Variants in REEP3 observed in about 807,000 individuals in gnomAD.
REEP3 encodes receptor accessory protein 3, also known as receptor expression-enhancing protein 3.
Under a neutral mutation model 41.3 loss-of-function variants are expected in REEP3, and 20 were observed. That is an observed-to-expected ratio of 0.48 (90% CI 0.34 to 0.70). The LOEUF is 0.70. Among genes scored for constraint, REEP3 ranks in the 30% least tolerant of loss-of-function variants. The pLI is 0.01. For missense variants in REEP3, 271 were observed against 308.8 expected (o/e 0.88, Z 0.92); for synonymous variants, 104 against 101.8 (o/e 1.02, Z -0.13).
intron 1 of REEP3, among the ~76,000 whole-genome samples, chr10:63,550,452 C>G (rs1310818109): frequency 1.1e-4 from 16 of 152,062 alleles, no homozygotes; most frequent in Non-Finnish European, 1.5e-5. Context: ...TGTGGATGAA[C>G]ACACAGCAGA....
At chr10:63,615,086 A>G (rs987100162) in intron 6 of REEP3, among the ~76,000 whole-genome samples, 2 of 152,212 alleles carry the variant, frequency 1.3e-5, no homozygotes, top group Non-Finnish European at 2.9e-5. Flanking sequence ...GTAGGGAAAA[A>G]AAATAATAAG....
At chr10:63,525,502 TCCGCCTC>T (rs1955354023) in intron 1 of REEP3, among the ~76,000 whole-genome samples, 1 of 152,180 alleles carries the variant, frequency 6.6e-6, no homozygotes. Context: ...TACTGCAATT[TCCGCCTC>T]CCGGGTTCAA....
chr10:63,562,992 T>G (rs1326306964), intron 1 of REEP3: 2 of 456,422 alleles, frequency 4.4e-6, no homozygotes, highest in African/African-American at 4.0e-5. Context: ...TATGATTGGC[T>G]TCCTTCTAAG....
chr10:63,541,930 C>A (rs1344391444), intron 1 of REEP3, among the ~76,000 whole-genome samples: 1 of 152,134 alleles, frequency 6.6e-6, no homozygotes, highest in East Asian at 1.9e-4. Flanking sequence ...CATTTTTATG[C>A]ATAAGGTAAA....
intron 4 of REEP3, among the ~76,000 whole-genome samples, chr10:63,598,709 G>A (rs560084975): frequency 4.6e-5 from 7 of 151,318 alleles, no homozygotes; most frequent in East Asian, 2.0e-4. Context: ...GCGCGAACCC[G>A]GGAGGTGGAG....
intron 2 of REEP3, among the ~76,000 whole-genome samples, chr10:63,583,242 C>T (rs866903567): frequency 5.9e-5 from 9 of 152,142 alleles, no homozygotes; most frequent in African/African-American, 2.2e-4. Context: ...CCGCCCACCT[C>T]AGCCTCCCAA....
chr10:63,588,409 C>T (rs1589877938), intron 2 of REEP3, among the ~76,000 whole-genome samples: 2 of 151,648 alleles, frequency 1.3e-5, no homozygotes, highest in South Asian at 2.1e-4. Flanking sequence ...AACATGCTTT[C>T]GTGTTGCTTC....
intron 3 of REEP3, among the ~76,000 whole-genome samples, chr10:63,595,938 G>T (rs1956110465): frequency 1.3e-5 from 2 of 152,140 alleles, no homozygotes. Context: ...AAATTAATCA[G>T]CTGCTCACAT....
rs185011642 is a variant in REEP3 at position 63,565,683 on chromosome 10, A to G, written c.33-655A>G. 3.3e-4 allele frequency among the ~76,000 whole-genome samples: 51 copies of G among 152,322 alleles called. No homozygotes were observed. The East Asian group carries it at 8.7e-3, about 26-fold the overall frequency. On this transcript the variant is annotated intron_variant, in intron 1 of 7. Coordinates refer to ENST00000373758, the MANE Select transcript of REEP3 (RefSeq NM_001001330.3). ...GGATAAATAGTGGGATTTGTGTGCA[A>G]TAAGATATTGCCTGTGATTATCTCT...
At chr10:63,603,286 C>T (rs1956191135) in intron 5 of REEP3, among the ~76,000 whole-genome samples, 1 of 120,464 alleles carries the variant, frequency 8.3e-6, no homozygotes, top group African/African-American at 3.3e-5. Flanking sequence ...GCACTCCAGC[C>T]TGGGTGAGAG....
intron 1 of REEP3, among the ~76,000 whole-genome samples, chr10:63,537,137 T>C (rs1660143420): frequency 6.6e-6 from 1 of 152,228 alleles, no homozygotes; most frequent in Non-Finnish European, 1.5e-5. Flanking sequence ...AAGTAAACAT[T>C]GGTTTATGTA....
chr10:63,563,979 CA>C (rs1219175702), intron 1 of REEP3, among the ~76,000 whole-genome samples: 1 of 151,900 alleles, frequency 6.6e-6, no homozygotes, highest in Admixed American at 6.6e-5. Context: ...AATTTACAGC[CA>C]AAAAAGCTAA....
intron 5 of REEP3, among the ~76,000 whole-genome samples, chr10:63,601,603 G>A (rs56270416): frequency 0.061 from 9,214 of 152,176 alleles, 484 homozygotes; most frequent in African/African-American, 0.13. Flanking sequence ...AGGATTTTTC[G>A]TGCTGCACAG....
At chr10:63,592,552 G>A (rs1360789058) in intron 2 of REEP3, among the ~76,000 whole-genome samples, 1 of 151,990 alleles carries the variant, frequency 6.6e-6, no homozygotes, top group African/African-American at 2.4e-5. Context: ...TTTTTCCTTC[G>A]TTTCTTTTTA....
chr10:63,553,295 G>T (rs977200439), intron 1 of REEP3, among the ~76,000 whole-genome samples: 2 of 151,976 alleles, frequency 1.3e-5, no homozygotes, highest in Non-Finnish European at 2.9e-5. Flanking sequence ...GAAGGAAGTG[G>T]TTTAAGAAAT....
rs1335855513 is a variant in REEP3, at chr10:63,621,050, A to G, written c.*181A>G. 2 of 480,436 alleles carry G rather than the reference A, an allele frequency of 4.2e-6. No homozygotes were observed. The highest frequency in any genetic ancestry group is 7.4e-6 in the Non-Finnish European group (2 of 270,186). The allele number at this position is 480,436 out of a possible 1,614,324, so 29.8% of individuals were successfully genotyped here. On this transcript the variant is annotated 3_prime_UTR_variant, in exon 8 of 8. Transcript: ENST00000373758. The stretch of plus-strand genomic sequence containing the variant: ...TAACAATTGCTTCCAAATATTGACT[A>G]CTAAAGGCAGTTCTGCAAGATGTAC...
intron 1 of REEP3, among the ~76,000 whole-genome samples, chr10:63,525,320 G>A (rs1283921910): frequency 6.6e-6 from 1 of 152,166 alleles, no homozygotes; most frequent in Non-Finnish European, 1.5e-5. Context: ...CTTTTGTCCA[G>A]CCTTAGCATT....
At position 63,550,238 on chromosome 10, in the gene REEP3, A is replaced by AT. The variant is rs548135300; in HGVS notation, c.33-16099dup. 3.2e-3 allele frequency among the ~76,000 whole-genome samples: 484 copies of AT among 152,342 alleles called. 2 individuals carry two copies. The highest frequency in any genetic ancestry group is 0.011 in the African/African-American group (470 of 41,578). On this transcript the variant is annotated intron_variant, in intron 1 of 7. Coordinates refer to ENST00000373758, the MANE Select transcript of REEP3 (RefSeq NM_001001330.3). ...AAATATTATACCATGGGAAGGAGGT[A>AT]TCAAAGCCCCATCCAGTGATAGAAG...
intron 1 of REEP3, among the ~76,000 whole-genome samples, chr10:63,530,426 T>C (rs1165491199): frequency 6.6e-6 from 1 of 152,196 alleles, no homozygotes; most frequent in Non-Finnish European, 1.5e-5. Context: ...TATTAGACAA[T>C]GAGAAATCAG....
Sources: gnomAD v4.1 joint callset for allele counts (sites outside exome capture counted in the v4.1 genomes callset) on GRCh38, gnomAD v4.1.1 for gene constraint, MANE v1.5 for transcripts, NCBI Gene and HGNC (gene_info 2026-07-23, HGNC 2026-07-21) for gene names.